Variants in EPHA6 observed in about 807,000 individuals in gnomAD.
The protein encoded by EPHA6 is EPH receptor A6.
Under a neutral mutation model 112.0 loss-of-function variants are expected in EPHA6, and 50 were observed. That is an observed-to-expected ratio of 0.45 (90% CI 0.36 to 0.56). The LOEUF (loss-of-function observed/expected upper bound fraction) is 0.56, where lower values mean the gene tolerates loss of function less well. Among genes scored for constraint, EPHA6 ranks in the 20% least tolerant of loss-of-function variants. The probability of loss-of-function intolerance (pLI) is 0.00; values close to 1 mark genes in which losing one functional copy is unlikely to be tolerated. For missense variants in EPHA6, 1,280 were observed against 1,417.4 expected (o/e 0.90, Z 1.56); for synonymous variants, 529 against 490.7 (o/e 1.08, Z -1.03).
rs192348320 is a variant in EPHA6 at position 97,238,473 on chromosome 3, C to T, written c.1271-5479C>T. 3.2e-3 allele frequency among the ~76,000 whole-genome samples: 480 copies of T among 151,974 alleles called. 3 individuals are homozygous for T. The highest frequency in any genetic ancestry group is 0.011 in the African/African-American group (437 of 41,502). On this transcript the variant is annotated intron_variant, in intron 4 of 17. Coordinates refer to ENST00000389672, the MANE Select transcript of EPHA6 (RefSeq NM_001080448.3). ...TAAAACATGTTACCTTTGGTTCAAG[C>T]TAGATTAGCAGACTTGTGCCTATGA...
chr3:96,955,822 G>T (rs1221116058), intron 2 of EPHA6, among the ~76,000 whole-genome samples: 1 of 152,098 alleles, frequency 6.6e-6, no homozygotes, highest in Non-Finnish European at 1.5e-5. Context: ...TCAGATGAAT[G>T]CATTTTAATT....
intron 2 of EPHA6, among the ~76,000 whole-genome samples, chr3:96,869,704 G>A (rs1338590805): frequency 6.6e-6 from 1 of 152,036 alleles, no homozygotes; most frequent in Non-Finnish European, 1.5e-5. Context: ...CATAGTGGAT[G>A]AGATCTTTGT....
At chr3:97,135,940 G>T (rs1254910317) in intron 3 of EPHA6, among the ~76,000 whole-genome samples, 1 of 152,056 alleles carries the variant, frequency 6.6e-6, no homozygotes, top group Non-Finnish European at 1.5e-5. Flanking sequence ...AAATGGTGTT[G>T]TCTGAGATTG....
intron 3 of EPHA6, among the ~76,000 whole-genome samples, chr3:97,192,359 C>T (rs139943264): frequency 0.012 from 1,846 of 152,220 alleles, 20 homozygotes; most frequent in Middle Eastern, 0.058. Flanking sequence ...TCTCGAACTC[C>T]TGGCCTCAAG....
chr3:97,281,220 TG>T, intron 5 of EPHA6, among the ~76,000 whole-genome samples: 1 of 142,882 alleles, frequency 7.0e-6, no homozygotes. Context: ...TGTGTGTGTG[TG>T]TGTGTGTGCG....
At chr3:97,076,304 G>C (rs138770055) in intron 3 of EPHA6, among the ~76,000 whole-genome samples, 1 of 152,122 alleles carries the variant, frequency 6.6e-6, no homozygotes, top group Admixed American at 6.6e-5. Context: ...CAGCCTTATT[G>C]CCAATATGGA....
intron 2 of EPHA6, among the ~76,000 whole-genome samples, chr3:96,936,501 G>T (rs1417839896): frequency 1.3e-5 from 2 of 151,406 alleles, no homozygotes; most frequent in Non-Finnish European, 2.9e-5. Context: ...TATATAACTG[G>T]CAGTGGATAA....
At chr3:97,539,387 A>T (rs940832583) in intron 11 of EPHA6, among the ~76,000 whole-genome samples, 1 of 152,018 alleles carries the variant, frequency 6.6e-6, no homozygotes, top group South Asian at 2.1e-4. Context: ...ACCTCAAGTG[A>T]TCTACCTGTC....
At chr3:97,479,993 G>A (rs1325138105) in intron 9 of EPHA6, among the ~76,000 whole-genome samples, 1 of 152,114 alleles carries the variant, frequency 6.6e-6, no homozygotes, top group Non-Finnish European at 1.5e-5. Context: ...TTTTTCTATT[G>A]TGAGACACTG....
At chr3:97,036,944 G>T (rs1038419968) in intron 3 of EPHA6, among the ~76,000 whole-genome samples, 1 of 151,758 alleles carries the variant, frequency 6.6e-6, no homozygotes, top group African/African-American at 2.4e-5. Context: ...TATGTGACTC[G>T]CCGACCCCTG....
At chr3:96,977,533 A>G (rs2107803747) in intron 2 of EPHA6, among the ~76,000 whole-genome samples, 1 of 152,336 alleles carries the variant, frequency 6.6e-6, no homozygotes, top group South Asian at 2.1e-4. Flanking sequence ...CAAAAGATTT[A>G]TCATTTAAAA....
At chr3:96,841,084 C>T (rs1034053336) in intron 1 of EPHA6, among the ~76,000 whole-genome samples, 22 of 151,904 alleles carry the variant, frequency 1.4e-4, no homozygotes, top group African/African-American at 5.3e-4. Flanking sequence ...TTATACATTC[C>T]AAGGAGATGT....
At chr3:96,907,211 A>G (rs1358245071) in intron 2 of EPHA6, among the ~76,000 whole-genome samples, 2 of 151,988 alleles carry the variant, frequency 1.3e-5, no homozygotes, top group African/African-American at 4.8e-5. Flanking sequence ...CTTAAACACA[A>G]GTAAATTATT....
chr3:97,202,212 T>G (rs534997529), intron 3 of EPHA6, among the ~76,000 whole-genome samples: 62 of 152,198 alleles, frequency 4.1e-4, no homozygotes, highest in African/African-American at 1.5e-3. Context: ...GCTCTCTTTC[T>G]GTGAACAAAG....
intron 12 of EPHA6, among the ~76,000 whole-genome samples, chr3:97,605,540 T>G (rs541707420): frequency 1.1e-4 from 16 of 151,798 alleles, no homozygotes; most frequent in Non-Finnish European, 1.9e-4. Flanking sequence ...TTGTCAATTT[T>G]GTTGGAGATC....
rs532306626 is a variant in EPHA6 at position 97,648,550 on chromosome 3, TTAAGAA to T, written c.2784+10472_2784+10477del. The T allele has an allele frequency of 5.9e-5, 73 of 1,240,264 alleles. No individual in the cohort carries two copies. The South Asian group carries it at 2.2e-3, about 37-fold the overall frequency. 76.8% of individuals were successfully genotyped at this position (1,240,264 alleles called of 1,614,324 possible). ...TTGAACATGTCCAACTTTAAGAACT[TTAAGAA>T]TAAATATTTTAACACAAGTGAGATC... On this transcript the variant is annotated intron_variant, in intron 14 of 17. Coordinates refer to ENST00000389672, the MANE Select transcript of EPHA6 (RefSeq NM_001080448.3).
At chr3:97,608,566 G>T (rs1330252676) in intron 12 of EPHA6, among the ~76,000 whole-genome samples, 2 of 151,334 alleles carry the variant, frequency 1.3e-5, no homozygotes, top group Non-Finnish European at 3.0e-5. Context: ...TGATGGAAAT[G>T]CAACTATGAG....
intron 6 of EPHA6, among the ~76,000 whole-genome samples, chr3:97,409,532 T>A (rs746535568): frequency 1.3e-5 from 2 of 152,114 alleles, no homozygotes; most frequent in Non-Finnish European, 2.9e-5. Context: ...ACAGCAGATG[T>A]CTCAGAAAGT....
At chr3:97,192,081 A>G (rs1315325538) in intron 3 of EPHA6, among the ~76,000 whole-genome samples, 3 of 152,128 alleles carry the variant, frequency 2.0e-5, no homozygotes, top group African/African-American at 7.2e-5. Flanking sequence ...TGTGATAATC[A>G]ATGATGTTGA....
Sources: allele counts gnomAD v4.1 joint callset (sites outside exome capture counted in the v4.1 genomes callset), GRCh38; gene constraint gnomAD v4.1.1; transcripts MANE v1.5; gene names NCBI Gene and HGNC (gene_info 2026-07-23, HGNC 2026-07-21).